Variants in SAMD8 observed in about 807,000 individuals in gnomAD.
The protein encoded by SAMD8 is sterile alpha motif domain containing 8.
A neutral mutation model predicts 42.0 loss-of-function variants in SAMD8; 20 were observed. The observed-to-expected ratio is 0.48, with a 90% CI of 0.34 to 0.69. SAMD8 has a LOEUF of 0.69. Among genes scored for constraint, SAMD8 ranks in the 30% least tolerant of loss-of-function variants. The probability of loss-of-function intolerance (pLI) is 0.01; values close to 1 mark genes in which losing one functional copy is unlikely to be tolerated. For synonymous variants in SAMD8, 162 were observed against 173.0 expected, an observed-to-expected ratio of 0.94 and a Z score of 0.50; for missense variants, 328 against 511.6, an observed-to-expected ratio of 0.64 and a Z score of 3.46.
chr10:75,152,444 C>T (rs1840311171), intron 2 of SAMD8, among the ~76,000 whole-genome samples: 1 of 148,722 alleles, frequency 6.7e-6, no homozygotes, highest in Non-Finnish European at 1.5e-5. Flanking sequence ...ATGGCGTGAA[C>T]CCGGGAGGCG....
At chr10:75,117,000 G>A (rs1439378176) in intron 1 of SAMD8, among the ~76,000 whole-genome samples, 4 of 151,866 alleles carry the variant, frequency 2.6e-5, no homozygotes, top group African/African-American at 7.2e-5. Context: ...TAGTAGAGAC[G>A]AGGTCTCACT....
chr10:75,151,979 G>A (rs868034685), intron 2 of SAMD8, among the ~76,000 whole-genome samples: 2 of 151,700 alleles, frequency 1.3e-5, no homozygotes, highest in South Asian at 2.1e-4. Flanking sequence ...GTGAGCCACC[G>A]CGCTTGGCCA....
intron 4 of SAMD8, among the ~76,000 whole-genome samples, chr10:75,173,887 T>C (rs1174640340): frequency 6.6e-6 from 1 of 152,190 alleles, no homozygotes; most frequent in Non-Finnish European, 1.5e-5. Context: ...CTGTGTTACT[T>C]ACTAGCTATG....
At chr10:75,120,788 T>A (rs920322184) in intron 1 of SAMD8, among the ~76,000 whole-genome samples, 3 of 142,722 alleles carry the variant, frequency 2.1e-5, no homozygotes, top group Non-Finnish European at 4.6e-5. Context: ...TTTTTTTTTT[T>A]TTTTTTTTTT....
chr10:75,139,706 A>G (rs1839974026), intron 1 of SAMD8, among the ~76,000 whole-genome samples: 1 of 152,196 alleles, frequency 6.6e-6, no homozygotes, highest in South Asian at 2.1e-4. Flanking sequence ...GCTTCTATAT[A>G]TTTGGCTTTT....
chr10:75,116,135 T>C (rs931545558), intron 1 of SAMD8, among the ~76,000 whole-genome samples: 2 of 151,986 alleles, frequency 1.3e-5, no homozygotes, highest in African/African-American at 4.8e-5. Flanking sequence ...AGGGTCTCAC[T>C]GTCTCCCAGG....
intron 1 of SAMD8, among the ~76,000 whole-genome samples, chr10:75,139,547 A>G (rs1250778495): frequency 6.6e-6 from 1 of 152,216 alleles, no homozygotes; most frequent in Non-Finnish European, 1.5e-5. Context: ...GGACTCATGC[A>G]ATAATGTTAA....
upstream of SAMD8, among the ~76,000 whole-genome samples, chr10:75,107,808 C>T (rs535235271): frequency 3.9e-5 from 6 of 152,248 alleles, no homozygotes; most frequent in Admixed American, 2.0e-4. Context: ...AACTCCTGAC[C>T]TCAGGCGATC....
rs931187263 is a variant in SAMD8 at position 75,139,047 on chromosome 10, G to T, written c.-15-11467G>T. On this transcript the variant is annotated intron_variant, in intron 1 of 5. Transcript: ENST00000542569. The stretch of plus-strand genomic sequence containing the variant: ...GTGAACTCAGTTCACTGCCACCTCC[G>T]CCTCCCAGGCTCAAACAATTCTCCC... Among the ~76,000 whole-genome samples, 5 of 146,182 alleles carry T rather than the reference G, an allele frequency of 3.4e-5. No homozygotes were observed. In the Admixed American group the frequency reaches 3.5e-4, roughly 10 times the overall value.
At chr10:75,113,736 C>T (rs571324458) in intron 1 of SAMD8, among the ~76,000 whole-genome samples, 1 of 152,170 alleles carries the variant, frequency 6.6e-6, no homozygotes, top group South Asian at 2.1e-4. Context: ...GTATTAATTC[C>T]CTTTTCTTTA....
intron 1 of SAMD8, among the ~76,000 whole-genome samples, chr10:75,129,356 T>G (rs1006089972): frequency 6.6e-6 from 1 of 152,150 alleles, no homozygotes; most frequent in Non-Finnish European, 1.5e-5. Flanking sequence ...TTCTCCTGCC[T>G]CAGTCTCCCA....
In SAMD8 at chr10:75,168,363, G is replaced by A. The variant is rs1024348778; in HGVS notation, c.675-178G>A. Reference sequence around the variant, plus strand: ...CTTGGACAGTATATGGAACATTTCCGTCATTGCAGAGAATTCTGTTGGACA... The same window carrying A: ...CTTGGACAGTATATGGAACATTTCCATCATTGCAGAGAATTCTGTTGGACA... On this transcript the variant is annotated intron_variant, in intron 3 of 5. Transcript: ENST00000542569. 1.5e-5 allele frequency: 14 copies of A among 905,624 alleles called. No homozygotes were observed. The African/African-American group carries it at 1.6e-4, about 11-fold the overall frequency. The allele number at this position is 905,624 out of a possible 1,614,324, so 56.1% of individuals were successfully genotyped here. A position where few individuals can be genotyped will look rare whatever the true frequency, so the allele number is the denominator to read the frequency against.
chr10:75,175,851 A>T, intron 4 of SAMD8: 1 of 984,834 alleles, frequency 1.0e-6, no homozygotes. Flanking sequence ...GCCCAGTCTG[A>T]TTTCATTTAA....
At chr10:75,158,057 G>A (rs1251190637) in intron 2 of SAMD8, among the ~76,000 whole-genome samples, 4 of 151,998 alleles carry the variant, frequency 2.6e-5, no homozygotes, top group Non-Finnish European at 4.4e-5. Context: ...TACTCGGGAG[G>A]CTGAGGCAGG....
chr10:75,116,514 A>G (rs1207426176), intron 1 of SAMD8, among the ~76,000 whole-genome samples: 2 of 152,158 alleles, frequency 1.3e-5, no homozygotes, highest in East Asian at 3.8e-4. Context: ...TGACAGATAA[A>G]TTCTAGTTGG....
At chr10:75,155,210 C>A (rs1266566271) in intron 2 of SAMD8, among the ~76,000 whole-genome samples, 2 of 152,104 alleles carry the variant, frequency 1.3e-5, no homozygotes, top group African/African-American at 4.8e-5. Flanking sequence ...AGATTTTTAA[C>A]CTGACCATCT....
At chr10:75,170,661 C>T (rs1380293519) in intron 4 of SAMD8, among the ~76,000 whole-genome samples, 1 of 151,062 alleles carries the variant, frequency 6.6e-6, no homozygotes, top group African/African-American at 2.4e-5. Flanking sequence ...AGTAAAAATT[C>T]ACCTGATTCT....
At chr10:75,124,318 T>C (rs1849076207) in intron 1 of SAMD8, among the ~76,000 whole-genome samples, 1 of 152,124 alleles carries the variant, frequency 6.6e-6, no homozygotes, top group Non-Finnish European at 1.5e-5. Flanking sequence ...TTTTTTAAAA[T>C]GTACCTGTCA....
intron 2 of SAMD8, among the ~76,000 whole-genome samples, chr10:75,159,069 T>C (rs1044311917): frequency 6.7e-5 from 10 of 149,722 alleles, no homozygotes; most frequent in Admixed American, 1.3e-4. Context: ...TTTTCTTTTT[T>C]TTTTTTTGAG....
Sources: allele counts gnomAD v4.1 joint callset (sites outside exome capture counted in the v4.1 genomes callset), GRCh38; gene constraint gnomAD v4.1.1; transcripts MANE v1.5; gene names NCBI Gene and HGNC (gene_info 2026-07-23, HGNC 2026-07-21).